Variants in DGKK observed in about 807,000 individuals in gnomAD.
The protein encoded by DGKK is 142 kDa diacylglycerol kinase.
In DGKK, 35 loss-of-function variants were observed where a neutral mutation model predicts 92.2. The observed-to-expected ratio is 0.38, with a 90% CI of 0.29 to 0.50. The LOEUF (loss-of-function observed/expected upper bound fraction) is 0.50. Among genes scored for constraint, DGKK ranks in the 20% least tolerant of loss-of-function variants. The pLI, the probability that DGKK is intolerant of heterozygous loss-of-function variation, is 0.92. For synonymous variants in DGKK, 368 were observed against 360.6 expected, an observed-to-expected ratio of 1.02 and a Z score of -0.23; for missense variants, 910 against 992.2, an observed-to-expected ratio of 0.92 and a Z score of 1.11.
intron 1 of DGKK, among the ~76,000 whole-genome samples, chrX:50,468,139 C>T (rs1302376170): frequency 8.9e-6 from 1 of 112,188 alleles, no homozygotes; most frequent in Admixed American, 9.4e-5. Context: ...TCTTCCTCAT[C>T]TGTCTGGCAA....
Position 50,424,326 on chromosome X carries a change from G to A in DGKK, c.678C>T (p.Asn226=). ...KILKEGPMLK[N]CNSFKRWKLR... ...GCTTCCATCTCTTGAAAGAGTTACAGTTCTTCAGCATAGGTCCTTCCTTCA... is the reference window on the plus strand; with the variant it reads ...GCTTCCATCTCTTGAAAGAGTTACAATTCTTCAGCATAGGTCCTTCCTTCA... Residue 226 remains asparagine (N), a synonymous_variant, in exon 2 of 28, where the codon AAC becomes AAT. Coordinates refer to ENST00000611977, the MANE Select transcript of DGKK (RefSeq NM_001013742.4). 10 of 1,210,772 alleles carry A rather than the reference G, an allele frequency of 8.3e-6. No individual in the cohort carries two copies. The highest frequency in any genetic ancestry group is 1.1e-5 in the Non-Finnish European group (10 of 894,779).
intron 4 of DGKK, among the ~76,000 whole-genome samples, chrX:50,405,077 C>T (rs781883587): frequency 1.8e-5 from 2 of 112,113 alleles, no homozygotes; most frequent in South Asian, 7.6e-4. Context: ...TGAGTAAATA[C>T]TTTGTGCTTG....
chrX:50,369,067 C>T (rs1297510526), intron 27 of DGKK, 48 bp from the exon 28 acceptor site: 1 of 1,025,278 alleles, frequency 9.8e-7, no homozygotes, highest in Non-Finnish European at 1.4e-6. Flanking sequence ...TAGCACAATG[C>T]CAGATGCCCA....
At chrX:50,438,001 A>T (rs1557230935) in intron 1 of DGKK, among the ~76,000 whole-genome samples, 1 of 110,766 alleles carries the variant, frequency 9.0e-6, no homozygotes, top group East Asian at 2.9e-4. Flanking sequence ...GCCAGTCTTG[A>T]ATCACACACA....
intron 3 of DGKK, among the ~76,000 whole-genome samples, chrX:50,421,986 C>T (rs1925601674): frequency 8.9e-6 from 1 of 112,039 alleles, no homozygotes; most frequent in African/African-American, 3.2e-5. Context: ...TAGACACTTC[C>T]CTAGAAAATC....
intron 4 of DGKK, among the ~76,000 whole-genome samples, chrX:50,413,347 A>C (rs1557228165): frequency 8.9e-6 from 1 of 112,231 alleles, no homozygotes; most frequent in African/African-American, 3.2e-5. Context: ...ACAAATGCAA[A>C]ACTGGACAAA....
chrX:50,459,292 CT>C (rs1158042714), intron 1 of DGKK, among the ~76,000 whole-genome samples: 2 of 111,195 alleles, frequency 1.8e-5, no homozygotes, highest in Admixed American at 9.6e-5. Flanking sequence ...CAAGCAGATA[CT>C]TTGTGAGTAG....
rs374452909 is a variant in DGKK at position 50,426,783 on chromosome X, T to C, written c.646-2425A>G. Among the ~76,000 whole-genome samples, 31 of 112,170 alleles carry C rather than the reference T, an allele frequency of 2.8e-4. No homozygotes were observed. In the East Asian group the frequency reaches 4.8e-3, roughly 17 times the overall value. On this transcript the variant is annotated intron_variant, in intron 1 of 27. Transcript: ENST00000611977. Reference sequence around the variant, plus strand: ...ACTTTTAAAAATTATTAATACATCATAAAGCAACAATTAAATACCACTACA... The same window carrying C: ...ACTTTTAAAAATTATTAATACATCACAAAGCAACAATTAAATACCACTACA...
Position 50,388,537 on chromosome X carries a change from T to C in DGKK, c.2008A>G (p.Ile670Val). 3 of 1,206,377 alleles carry C rather than the reference T, an allele frequency of 2.5e-6. No homozygotes were observed. The highest frequency in any genetic ancestry group is 3.4e-6 in the Non-Finnish European group (3 of 892,022). Residue 670 changes from isoleucine to valine, a missense_variant, in exon 13 of 28, where the codon ATC becomes GTC. Transcript: ENST00000611977. Reference protein sequence around the residue: ...LKAKYPTEMIIATRFLCSAVE... With the variant: ...LKAKYPTEMIVATRFLCSAVE... ...CAAAGGAAGACTGACCTGGTTGCGA[T>C]GATCATCTCTGTGGGGTACTTGGCC...
intron 1 of DGKK, among the ~76,000 whole-genome samples, chrX:50,451,532 T>C (rs1934174): frequency 0.45 from 49,905 of 110,238 alleles, 9,730 homozygotes; most frequent in African/African-American, 0.76. Flanking sequence ...TATATATTTA[T>C]ATACAATTTA....
At chrX:50,373,119 C>T (rs1417852736) in intron 25 of DGKK, among the ~76,000 whole-genome samples, 24 of 112,233 alleles carry the variant, frequency 2.1e-4, no homozygotes, top group African/African-American at 5.5e-4. Context: ...CCTAGATGCA[C>T]GGGACATGTG....
chrX:50,416,978 A>C (rs782662923), intron 4 of DGKK, among the ~76,000 whole-genome samples: 1 of 109,506 alleles, frequency 9.1e-6, no homozygotes, highest in African/African-American at 3.3e-5. Flanking sequence ...CTAAGATATT[A>C]ATTTTGCCAG....
At chrX:50,469,538 G>C (rs910605070) in intron 1 of DGKK, among the ~76,000 whole-genome samples, 1 of 112,209 alleles carries the variant, frequency 8.9e-6, no homozygotes, top group Non-Finnish European at 1.9e-5. Context: ...GCCCAGCTGA[G>C]GCGCCCCCTC....
intron 1 of DGKK, among the ~76,000 whole-genome samples, chrX:50,464,452 T>C (rs1557233770): frequency 1.8e-5 from 2 of 110,441 alleles, no homozygotes; most frequent in African/African-American, 6.6e-5. Flanking sequence ...TCCTTTAATA[T>C]TTCTTTCTTT....
chrX:50,378,515 C>T, intron 21 of DGKK, 63 bp downstream of exon 21: 1 of 992,164 alleles, frequency 1.0e-6, no homozygotes, highest in African/African-American at 1.9e-5. Flanking sequence ...GGGACTATCC[C>T]ACATCCTGGG....
At chrX:50,430,382 G>C (rs1478030253) in intron 1 of DGKK, among the ~76,000 whole-genome samples, 1 of 112,029 alleles carries the variant, frequency 8.9e-6, no homozygotes, top group Non-Finnish European at 1.9e-5. Context: ...GCACACTGCA[G>C]GCAGGGTTCC....
chrX:50,444,481 C>G (rs943547955), intron 1 of DGKK, among the ~76,000 whole-genome samples: 1 of 110,717 alleles, frequency 9.0e-6, no homozygotes, highest in African/African-American at 3.3e-5. Context: ...GTTTGTTGTT[C>G]CCCTCTTTTT....
intron 1 of DGKK, among the ~76,000 whole-genome samples, chrX:50,432,451 T>C (rs1925913280): frequency 8.9e-6 from 1 of 112,641 alleles, no homozygotes; most frequent in South Asian, 3.7e-4. Context: ...TAGCATTCTA[T>C]GTACAATGTT....
In DGKK at chrX:50,431,712, A is replaced by G. The variant is rs782581825; in HGVS notation, c.646-7354T>C. Among the ~76,000 whole-genome samples the G allele has an allele frequency of 8.1e-5, 9 of 111,469 alleles. No homozygotes were observed. In the South Asian group the frequency reaches 2.3e-3, roughly 28 times the overall value. Reference sequence around the variant, plus strand: ...CACTCGCTTGCCAAAGTTGATTCAAAGCAACTGTGTTTGATTTGGTTAAAA... The same window carrying G: ...CACTCGCTTGCCAAAGTTGATTCAAGGCAACTGTGTTTGATTTGGTTAAAA... On this transcript the variant is annotated intron_variant, in intron 1 of 27. Coordinates refer to ENST00000611977, the MANE Select transcript of DGKK (RefSeq NM_001013742.4).
Sources: allele counts gnomAD v4.1 joint callset (sites outside exome capture counted in the v4.1 genomes callset), GRCh38; gene constraint gnomAD v4.1.1; transcripts MANE v1.5; gene names NCBI Gene and HGNC (gene_info 2026-07-23, HGNC 2026-07-21).